Variants in FEZ2 observed in about 807,000 individuals in gnomAD.
FEZ2 encodes fasciculation and elongation protein zeta 2, also known as fasciculation and elongation protein zeta-2.
In FEZ2, 51 loss-of-function variants were observed where a neutral mutation model predicts 40.4. That is an observed-to-expected ratio of 1.26 (90% confidence interval 1.01 to 1.59). The LOEUF is 1.59. Ranked by LOEUF, FEZ2 falls within the 40% of genes most tolerant of loss-of-function variation. The probability of loss-of-function intolerance (pLI) is 0.00; values close to 1 mark genes in which losing one functional copy is unlikely to be tolerated. For synonymous variants in FEZ2, 242 were observed against 172.0 expected (o/e 1.41, Z -3.18); for missense variants, 640 against 438.3 (o/e 1.46, Z -4.11).
rs1296020758 is a variant in FEZ2, at chr2:36,578,774, C to T, written c.726G>A (p.Gln242=). 1 of 1,613,992 alleles carries T rather than the reference C, an allele frequency of 6.2e-7. No homozygotes were observed. The highest frequency in any genetic ancestry group is 2.2e-5 in the East Asian group (1 of 44,888). The stretch of plus-strand genomic sequence containing the variant: ...ACTCCAGTTCATCTCGTAAAGCCAA[C>T]TGCTGCACCAGCTCCTCAGAGTACT... ...IKEYSEELVQ[Q]LALRDELEFE... Residue 242 remains glutamine (Q), a synonymous_variant, in exon 5 of 8, where the codon CAG becomes CAA. Coordinates refer to ENST00000405912, the MANE Select transcript of FEZ2 (RefSeq NM_005102.3).
At chr2:36,565,909 C>A (rs763143849) in intron 5 of FEZ2, among the ~76,000 whole-genome samples, 17 of 152,136 alleles carry the variant, frequency 1.1e-4, no homozygotes, top group Non-Finnish European at 2.2e-4. Flanking sequence ...GTGACAACAA[C>A]AAATGTTTTC....
At chr2:36,576,294 G>C (rs1329538069) in intron 5 of FEZ2, among the ~76,000 whole-genome samples, 4 of 150,714 alleles carry the variant, frequency 2.7e-5, no homozygotes, top group African/African-American at 4.9e-5. Flanking sequence ...TTTTGAGACA[G>C]AGCCTCGTTC....
At chr2:36,563,774 C>G (rs775896897) in intron 5 of FEZ2, among the ~76,000 whole-genome samples, 1 of 152,184 alleles carries the variant, frequency 6.6e-6, no homozygotes, top group African/African-American at 2.4e-5. Flanking sequence ...TGGAAGACCA[C>G]GGCCACTTTT....
chr2:36,576,741 A>G (rs941792242), intron 5 of FEZ2, among the ~76,000 whole-genome samples: 17 of 152,374 alleles, frequency 1.1e-4, no homozygotes, highest in Non-Finnish European at 2.5e-4. Context: ...TTCAAGACCA[A>G]TGAAGGCTGA....
At chr2:36,559,137 TTAAAG>T (rs1310527419) in intron 5 of FEZ2, 1 of 152,182 alleles carries the variant, frequency 6.6e-6, no homozygotes, top group African/African-American at 2.4e-5. Context: ...AGGAGAAAAG[TTAAAG>T]TAGAGAATGG....
Position 36,579,105 on chromosome 2 carries a change from A to G in FEZ2, c.635-240T>C, listed in dbSNP as rs1668661847. On this transcript the variant is annotated intron_variant, in intron 4 of 7. Coordinates refer to ENST00000405912, the MANE Select transcript of FEZ2 (RefSeq NM_005102.3). ...AGTCACTTCTCAGCTTGCTGGCAAG[A>G]AAGTCTAACAAAAGTTTTTACTTGT... 6 of 435,814 alleles carry G rather than the reference A, an allele frequency of 1.4e-5. No homozygotes were observed. The South Asian group carries it at 3.5e-4, about 25-fold the overall frequency. The allele number at this position is 435,814 out of a possible 1,614,324, so 27.0% of individuals were successfully genotyped here.
At chr2:36,565,106 A>C (rs1668200106) in intron 5 of FEZ2, among the ~76,000 whole-genome samples, 1 of 151,832 alleles carries the variant, frequency 6.6e-6, no homozygotes, top group Non-Finnish European at 1.5e-5. Flanking sequence ...CCTGACCCTA[A>C]CTCCTCCCTT....
intron 3 of FEZ2, chr2:36,581,633 A>T (rs571819356): frequency 7.3e-6 from 4 of 547,180 alleles, no homozygotes; most frequent in Admixed American, 6.6e-5. Context: ...ATTACAATAT[A>T]CTAAACACAA....
chr2:36,562,061 C>G (rs1385572280), intron 5 of FEZ2, among the ~76,000 whole-genome samples: 1 of 152,158 alleles, frequency 6.6e-6, no homozygotes, highest in South Asian at 2.1e-4. Context: ...TCATGACTTA[C>G]AGTGAAATAT....
At chr2:36,584,656 C>G (rs80302438) in intron 2 of FEZ2, among the ~76,000 whole-genome samples, 1 of 152,150 alleles carries the variant, frequency 6.6e-6, no homozygotes, top group African/African-American at 2.4e-5. Flanking sequence ...CCATGTCATT[C>G]TATTACATAG....
chr2:36,590,806 G>A (rs527532019), intron 2 of FEZ2, 97 bp downstream of exon 2: 7 of 740,278 alleles, frequency 9.5e-6, no homozygotes, highest in Non-Finnish European at 1.6e-5. Context: ...GAAATGAGAG[G>A]CAGGTCAGTG....
intron 5 of FEZ2, among the ~76,000 whole-genome samples, chr2:36,559,834 G>A (rs1024073723): frequency 1.3e-5 from 2 of 152,198 alleles, no homozygotes; most frequent in African/African-American, 4.8e-5. Flanking sequence ...GAGGTGAGAG[G>A]CAACGGAATG....
At chr2:36,587,044 A>T (rs117994792) in intron 2 of FEZ2, among the ~76,000 whole-genome samples, 1 of 152,334 alleles carries the variant, frequency 6.6e-6, no homozygotes, top group East Asian at 1.9e-4. Flanking sequence ...CCCTGTCCTG[A>T]AAGAAATGCA....
chr2:36,580,756 A>T (rs1668712962), intron 4 of FEZ2, among the ~76,000 whole-genome samples: 1 of 152,194 alleles, frequency 6.6e-6, no homozygotes, highest in South Asian at 2.1e-4. Context: ...TCCTAACCCC[A>T]AGTACCTCAG....
At chr2:36,580,050 C>T (rs1573020737) in intron 4 of FEZ2, among the ~76,000 whole-genome samples, 1 of 152,252 alleles carries the variant, frequency 6.6e-6, no homozygotes, top group African/African-American at 2.4e-5. Context: ...GGAGAGAGGC[C>T]TCTGAAAAAA....
At position 36,572,251 on chromosome 2, in the gene FEZ2, C is replaced by G. The variant is rs190229239; in HGVS notation, c.903+6346G>C. Among the ~76,000 whole-genome samples, 5 of 152,282 alleles carry G rather than the reference C, an allele frequency of 3.3e-5. No homozygotes were observed. The East Asian group carries it at 9.7e-4, about 29-fold the overall frequency. ...CAGAGGTCTGCTGTTAGACAAGAAG[C>G]TGCCACACGTAGCTTGGAGATTGGC... On this transcript the variant is annotated intron_variant, in intron 5 of 7. Coordinates refer to ENST00000405912, the MANE Select transcript of FEZ2 (RefSeq NM_005102.3).
chr2:36,580,232 C>T (rs905321935), intron 4 of FEZ2, among the ~76,000 whole-genome samples: 1 of 152,168 alleles, frequency 6.6e-6, no homozygotes, highest in African/African-American at 2.4e-5. Context: ...GGAGTCAGGA[C>T]GTTAACACTG....
At chr2:36,567,480 G>A (rs913147877) in intron 5 of FEZ2, among the ~76,000 whole-genome samples, 1 of 151,874 alleles carries the variant, frequency 6.6e-6, no homozygotes, top group African/African-American at 2.4e-5. Flanking sequence ...CTCAAACCCC[G>A]GCCAGGCACG....
chr2:36,582,634 T>C (rs1210445310), intron 3 of FEZ2, among the ~76,000 whole-genome samples: 2 of 152,190 alleles, frequency 1.3e-5, no homozygotes, highest in African/African-American at 2.4e-5. Flanking sequence ...CAAATATGAC[T>C]AAGGAGGATC....
Sources: gnomAD v4.1 joint callset for allele counts (sites outside exome capture counted in the v4.1 genomes callset) on GRCh38, gnomAD v4.1.1 for gene constraint, MANE v1.5 for transcripts, NCBI Gene and HGNC (gene_info 2026-07-23, HGNC 2026-07-21) for gene names.